The following RICTOR variants were observed in gnomAD, a reference collection of about 807,000 sequenced individuals.
RICTOR encodes the protein rapamycin-insensitive companion of mTOR.
In RICTOR, 49 loss-of-function variants were observed where a neutral mutation model predicts 214.9. That is an observed-to-expected ratio of 0.23 (90% CI 0.18 to 0.29). The LOEUF is 0.29. Among genes scored for constraint, RICTOR ranks in the 10% least tolerant of loss-of-function variants. RICTOR has a pLI of 1.00. For missense variants in RICTOR, 1,625 were observed against 2,047.0 expected (o/e 0.79, Z 3.98); for synonymous variants, 717 against 711.3 (o/e 1.01, Z -0.13).
chr5:38,943,780 T>A (rs1747869074), intron 36 of RICTOR, among the ~76,000 whole-genome samples: 1 of 152,042 alleles, frequency 6.6e-6, no homozygotes, highest in Admixed American at 6.6e-5. Context: ...ACCACTGCAC[T>A]CCAGCCTGGG....
chr5:39,030,604 A>G (rs932710938), intron 2 of RICTOR, among the ~76,000 whole-genome samples: 2 of 152,168 alleles, frequency 1.3e-5, no homozygotes, highest in Non-Finnish European at 2.9e-5. Flanking sequence ...ACAGGTGAAC[A>G]GTTATATAAC....
chr5:38,993,065 T>G (rs1489684553), intron 6 of RICTOR, among the ~76,000 whole-genome samples: 2 of 152,138 alleles, frequency 1.3e-5, no homozygotes, highest in Non-Finnish European at 1.5e-5. Flanking sequence ...TGCCTACACA[T>G]GGTGGCAAAA....
chr5:39,031,165 T>A (rs1756245335), intron 2 of RICTOR, among the ~76,000 whole-genome samples: 1 of 152,178 alleles, frequency 6.6e-6, no homozygotes, highest in Non-Finnish European at 1.5e-5. Flanking sequence ...TCTAAATATA[T>A]TTCCATTTAT....
Position 38,978,656 on chromosome 5 carries a change from T to TTA in RICTOR, c.754-7_754-6insTA. On this transcript the variant is annotated splice_polypyrimidine_tract_variant and splice_region_variant and intron_variant, in intron 8 of 37. Transcript: ENST00000357387. ...GTATAGGGTGCTAAAATTCTCTATTTAAAAAAAAAAAGGAAGAAAAGAGTC... is the reference window on the plus strand; with the variant it reads ...GTATAGGGTGCTAAAATTCTCTATTTTAAAAAAAAAAAAGGAAGAAAAGAGTC... The TTA allele has an allele frequency of 8.7e-7, 1 of 1,146,594 alleles. No individual in the cohort carries two copies. Among genetic ancestry groups the TTA allele is most frequent in the Non-Finnish European group, 1.2e-6 (1 of 827,346 alleles). 71.0% of individuals were successfully genotyped at this position (1,146,594 alleles called of 1,614,324 possible).
In RICTOR at chr5:38,963,916, T is replaced by C. The variant is rs193036248; in HGVS notation, c.1401-875A>G. ...GATAACTCCTAATGCCCTCAGTTTA[T>C]AAGACAACTTTGGTCTGTTAAACAG... On this transcript the variant is annotated intron_variant, in intron 16 of 37. Transcript: ENST00000357387. Among the ~76,000 whole-genome samples, 3 of 152,034 alleles carry C rather than the reference T, an allele frequency of 2.0e-5. No individual in the cohort carries two copies. In the East Asian group the frequency reaches 5.8e-4, roughly 29 times the overall value.
At chr5:38,959,380 T>A in intron 21 of RICTOR, 59 bp from the exon 22 acceptor site, 2 of 953,390 alleles carry the variant, frequency 2.1e-6, no homozygotes, top group Non-Finnish European at 3.1e-6. Context: ...ATACATTAAT[T>A]AAACAAATAT....
intron 4 of RICTOR, among the ~76,000 whole-genome samples, chr5:39,002,935 T>C (rs183815271): frequency 6.6e-6 from 1 of 152,170 alleles, no homozygotes; most frequent in East Asian, 1.9e-4. Context: ...CTTTATTTTA[T>C]ATAAACAATG....
rs1361515919 is a variant in RICTOR at position 38,990,653 on chromosome 5, A to ATCATATATATGATATATATATC, written c.583+295_583+296insGATATATATATCATATATATGA. On this transcript the variant is annotated intron_variant, in intron 7 of 37. Transcript: ENST00000357387. ...TATATATCTGACATATATCAGATAT[A>ATCATATATATGATATATATATC]TGATATATATCAGATATATATCAGA... Among the ~76,000 whole-genome samples, 24 of 52,328 alleles carry ATCATATATATGATATATATATC rather than the reference A, an allele frequency of 4.6e-4. 1 individual carries two copies. Among genetic ancestry groups the ATCATATATATGATATATATATC allele is most frequent in the African/African-American group, 1.5e-3 (24 of 16,396 alleles). 34.3% of individuals were successfully genotyped at this position (52,328 alleles called of 152,430 possible).
At chr5:38,969,894 CTGATCTCA>C (rs1411576386) in intron 11 of RICTOR, 20 of 152,214 alleles carry the variant, frequency 1.3e-4, no homozygotes, top group Admixed American at 5.2e-4. Flanking sequence ...TCTCGATCTC[CTGATCTCA>C]TGATCCGCCC....
In RICTOR at chr5:38,991,079, T is replaced by C. The variant is rs375098393; in HGVS notation, c.457-4A>G. ...AGGAAGCATTCACAGTAATCATCTG[T>C]AACAGAAGGAATCAGAAAAAGAAGT... On this transcript the variant is annotated splice_region_variant and splice_polypyrimidine_tract_variant and intron_variant, in intron 6 of 37. Transcript: ENST00000357387. The C allele has an allele frequency of 3.4e-5, 54 of 1,581,964 alleles. No homozygotes were observed. Among genetic ancestry groups the C allele is most frequent in the Non-Finnish European group, 4.2e-5 (49 of 1,162,020 alleles).
chr5:38,946,273 ACT>A (rs1161331552), intron 33 of RICTOR, among the ~76,000 whole-genome samples, 193 bp downstream of exon 33: 1 of 152,222 alleles, frequency 6.6e-6, no homozygotes, highest in African/African-American at 2.4e-5. Flanking sequence ...CACTGAAAAC[ACT>A]GTTAAGTCCC....
At chr5:38,956,299 G>C (rs1038647446) in intron 25 of RICTOR, among the ~76,000 whole-genome samples, 27 of 151,946 alleles carry the variant, frequency 1.8e-4, no homozygotes, top group African/African-American at 6.5e-4. Flanking sequence ...GCACAACTCT[G>C]ATCACTCTTT....
chr5:38,942,436 T>C, intron 37 of RICTOR, 58 bp from the exon 38 acceptor site: 1 of 953,018 alleles, frequency 1.0e-6, no homozygotes, highest in Admixed American at 2.4e-5. Context: ...ATATAACATA[T>C]TTATATAAAT....
At chr5:38,969,749 A>C (rs576439561) in intron 11 of RICTOR, 130 of 150,422 alleles carry the variant, frequency 8.6e-4, no homozygotes, top group African/African-American at 3.1e-3. Context: ...GCTCACTGCA[A>C]GCTCCGCCTC....
intron 2 of RICTOR, among the ~76,000 whole-genome samples, chr5:39,023,161 C>T (rs1755561462): frequency 6.6e-6 from 1 of 151,194 alleles, no homozygotes; most frequent in Non-Finnish European, 1.5e-5. Flanking sequence ...TTATCCAAAA[C>T]AGGGCAAAAC....
intron 2 of RICTOR, among the ~76,000 whole-genome samples, chr5:39,023,418 A>C (rs1473216837): frequency 6.6e-6 from 1 of 152,216 alleles, no homozygotes; most frequent in Non-Finnish European, 1.5e-5. Flanking sequence ...CAACATCTTT[A>C]AAGTAATGAA....
chr5:39,073,228 T>C (rs1759451416), intron 2 of RICTOR, among the ~76,000 whole-genome samples: 2 of 152,218 alleles, frequency 1.3e-5, no homozygotes, highest in Non-Finnish European at 2.9e-5. Flanking sequence ...GTGTGAAATA[T>C]GACTTCGTCG....
At chr5:38,949,528 C>G (rs1049908567) in intron 31 of RICTOR, 184 bp downstream of exon 31, 4 of 1,142,484 alleles carry the variant, frequency 3.5e-6, no homozygotes, top group Non-Finnish European at 5.0e-6. Flanking sequence ...TTCTTCCCCC[C>G]TCGCAGCTGC....
intron 5 of RICTOR, 102 bp from the exon 6 acceptor site, chr5:38,996,984 G>GTATAT (rs2150093657): frequency 1.3e-6 from 1 of 756,204 alleles, no homozygotes; most frequent in African/African-American, 1.7e-5. Flanking sequence ...TGTCAATATG[G>GTATAT]TATATTATTG....
Sources: gnomAD v4.1 joint callset for allele counts (sites outside exome capture counted in the v4.1 genomes callset) on GRCh38, gnomAD v4.1.1 for gene constraint, MANE v1.5 for transcripts, NCBI Gene and HGNC (gene_info 2026-07-23, HGNC 2026-07-21) for gene names.